The following RPAP2 variants were observed in gnomAD, a reference collection of about 807,000 sequenced individuals.
The protein encoded by RPAP2 is putative RNA polymerase II subunit B1 CTD phosphatase RPAP2.
A neutral mutation model predicts 73.1 loss-of-function variants in RPAP2; 52 were observed. The ratio of observed to expected loss-of-function variants is 0.71; its 90% CI spans 0.57 to 0.90. RPAP2 has a LOEUF of 0.90. Among genes scored for constraint, RPAP2 ranks in the 40% least tolerant of loss-of-function variants. The pLI is 0.00. For missense variants in RPAP2, 598 were observed against 701.8 expected (o/e 0.85, Z 1.67); for synonymous variants, 225 against 242.1 (o/e 0.93, Z 0.65).
chr1:92,306,055 G>A (rs1169763794), intron 5 of RPAP2, among the ~76,000 whole-genome samples: 1 of 152,180 alleles, frequency 6.6e-6, no homozygotes, highest in Non-Finnish European at 1.5e-5. Context: ...AAAAAAGGAA[G>A]GAAATTCTGA....
chr1:92,348,881 G>A (rs909217019), intron 11 of RPAP2, among the ~76,000 whole-genome samples: 1 of 152,096 alleles, frequency 6.6e-6, no homozygotes, highest in Non-Finnish European at 1.5e-5. Flanking sequence ...TTGTCACTGG[G>A]GAAAGCAAAA....
chr1:92,340,692 A>G lies in RPAP2; in HGVS notation c.1619+4265A>G, dbSNP rs560455346. 2.7e-3 allele frequency among the ~76,000 whole-genome samples: 416 copies of G among 152,256 alleles called. 1 individual carries two copies. The highest frequency in any genetic ancestry group is 3.4e-3 in the Middle Eastern group (1 of 294). On this transcript the variant is annotated intron_variant, in intron 10 of 12. Transcript: ENST00000610020. ...AATAGGTAGCCAGAGTTAAGAGCCTATTTTGGGACCTAAACATAAAGCAGC... is the reference window on the plus strand; with the variant it reads ...AATAGGTAGCCAGAGTTAAGAGCCTGTTTTGGGACCTAAACATAAAGCAGC...
chr1:92,363,640 A>G (rs566233737), intron 11 of RPAP2: 1 of 257,280 alleles, frequency 3.9e-6, no homozygotes, highest in South Asian at 4.4e-5. Flanking sequence ...TTCTATGCGG[A>G]TATTTTTCCA....
At chr1:92,342,119 A>G (rs188055672) in intron 10 of RPAP2, among the ~76,000 whole-genome samples, 43 of 152,334 alleles carry the variant, frequency 2.8e-4, no homozygotes, top group African/African-American at 8.9e-4. Context: ...GTACAAAAAT[A>G]TGCCCTTTTC....
At chr1:92,315,876 G>T (rs1651878101) in intron 6 of RPAP2, among the ~76,000 whole-genome samples, 1 of 152,148 alleles carries the variant, frequency 6.6e-6, no homozygotes, top group Non-Finnish European at 1.5e-5. Context: ...ACAAAACATT[G>T]ACCTAGAATG....
chr1:92,366,880 GT>G (rs1463598254), intron 11 of RPAP2, among the ~76,000 whole-genome samples: 1 of 152,084 alleles, frequency 6.6e-6, no homozygotes, highest in Non-Finnish European at 1.5e-5. Context: ...CTTCATTTCA[GT>G]TTTGATTGTA....
chr1:92,370,462 C>CA (rs1655101910), intron 11 of RPAP2, among the ~76,000 whole-genome samples: 1 of 152,056 alleles, frequency 6.6e-6, no homozygotes, highest in Admixed American at 6.5e-5. Flanking sequence ...CGTACCCCCC[C>CA]ACCAAAAACA....
At chr1:92,338,713 C>G (rs959223489) in intron 10 of RPAP2, among the ~76,000 whole-genome samples, 1 of 148,098 alleles carries the variant, frequency 6.8e-6, no homozygotes, top group East Asian at 2.0e-4. Context: ...TTCAGTGATG[C>G]GATCATGGCT....
intron 8 of RPAP2, among the ~76,000 whole-genome samples, chr1:92,331,183 A>G (rs1035069572): frequency 1.3e-5 from 2 of 152,206 alleles, no homozygotes; most frequent in Non-Finnish European, 2.9e-5. Context: ...ATTGAAACTC[A>G]TATCACTATG....
intron 10 of RPAP2, among the ~76,000 whole-genome samples, chr1:92,341,543 C>T (rs1352129726): frequency 6.6e-6 from 1 of 152,140 alleles, no homozygotes; most frequent in Non-Finnish European, 1.5e-5. Context: ...GTGCGTGGAA[C>T]AGTGATAATA....
chr1:92,326,950 C>A (rs1395446986), intron 8 of RPAP2, among the ~76,000 whole-genome samples: 2 of 152,234 alleles, frequency 1.3e-5, no homozygotes, highest in Non-Finnish European at 2.9e-5. Context: ...TTCACACCCT[C>A]CCTTGAGTTC....
chr1:92,323,586 CTT>C lies in RPAP2; in HGVS notation c.668_669del (p.Phe223CysfsTer16). On this transcript the variant is annotated frameshift_variant, in exon 8 of 13. Coordinates refer to ENST00000610020, the MANE Select transcript of RPAP2 (RefSeq NM_024813.3). LOFTEE classifies it high-confidence loss of function. ...SDSSSDNEQD[F>X]VSSILPGNRP... ...ATAGTAGCAGTGACAATGAGCAAGA[CTT>C]TGTTTCCTCCATTCTACCAGGAAAC... The C allele has an allele frequency of 6.2e-7, 1 of 1,614,050 alleles. No homozygotes were observed. The highest frequency in any genetic ancestry group is 8.5e-7 in the Non-Finnish European group (1 of 1,179,994).
At chr1:92,313,996 C>T (rs1443930009) in intron 6 of RPAP2, among the ~76,000 whole-genome samples, 2 of 152,202 alleles carry the variant, frequency 1.3e-5, no homozygotes, top group Non-Finnish European at 2.9e-5. Flanking sequence ...AGAGTTAGAA[C>T]CTTGCTCTGG....
At chr1:92,360,701 T>G (rs146203224) in intron 11 of RPAP2, among the ~76,000 whole-genome samples, 125 of 152,330 alleles carry the variant, frequency 8.2e-4, no homozygotes, top group African/African-American at 2.9e-3. Context: ...TCTCCTTGCC[T>G]TAAATGTCAG....
rs1206415297 is a variant in RPAP2 at position 92,398,167 on chromosome 1, T to C, written c.*11156T>C. On this transcript the variant is annotated 3_prime_UTR_variant, in exon 13 of 13. Transcript: ENST00000610020. ...TGTCTCAAAAAATAAAATTTTAAAA[T>C]AACTGAAGAGTATAACTGGATTGTT... 2 of 152,070 alleles carry C rather than the reference T, an allele frequency of 1.3e-5. No homozygotes were observed. The highest frequency in any genetic ancestry group is 2.9e-5 in the Non-Finnish European group (2 of 68,018). The allele number at this position is 152,070 out of a possible 1,614,324, so 9.4% of individuals were successfully genotyped here. A position where few individuals can be genotyped will look rare whatever the true frequency, so the allele number is the denominator to read the frequency against.
At position 92,336,361 on chromosome 1, in the gene RPAP2, T is replaced by C; in HGVS notation, c.1553T>C (p.Leu518Pro). 2 of 1,607,598 alleles carry C rather than the reference T, an allele frequency of 1.2e-6. No individual in the cohort carries two copies. Among genetic ancestry groups the C allele is most frequent in the Non-Finnish European group, 1.7e-6 (2 of 1,177,380 alleles). Reference protein sequence around the residue: ...EKLSKVLPGLLVPLQITLGDI... With the variant: ...EKLSKVLPGLPVPLQITLGDI... ...TAAATTTTCAGGTTGCCTGGGCTTC[T>C]GGTTCCTCTTCAGATTACATTGGGA... Residue 518 changes from leucine (L) to proline (P), a missense_variant, in exon 10 of 13, where the codon CTG becomes CCG. Leu to Pro is a moderately conservative substitution (Grantham distance 98). Coordinates refer to ENST00000610020, the MANE Select transcript of RPAP2 (RefSeq NM_024813.3).
intron 11 of RPAP2, among the ~76,000 whole-genome samples, chr1:92,371,146 A>G (rs1184821168): frequency 6.6e-6 from 1 of 152,026 alleles, no homozygotes; most frequent in Non-Finnish European, 1.5e-5. Flanking sequence ...CTCTACTAAA[A>G]ATAGAAAAAT....
chr1:92,362,921 C>G (rs1654789764), intron 11 of RPAP2, among the ~76,000 whole-genome samples: 1 of 152,126 alleles, frequency 6.6e-6, no homozygotes. Flanking sequence ...AAGACTTACA[C>G]AACTTTTACA....
chr1:92,360,678 C>T (rs1304669626), intron 11 of RPAP2, among the ~76,000 whole-genome samples: 1 of 152,116 alleles, frequency 6.6e-6, no homozygotes, highest in African/African-American at 2.4e-5. Context: ...TACATATCTG[C>T]AACATATTTC....
Sources: gnomAD v4.1 joint callset for allele counts (sites outside exome capture counted in the v4.1 genomes callset) on GRCh38, gnomAD v4.1.1 for gene constraint, MANE v1.5 for transcripts, NCBI Gene and HGNC (gene_info 2026-07-23, HGNC 2026-07-21) for gene names.